The following GOSR1 variants were observed in gnomAD, a reference collection of about 807,000 sequenced individuals.
GOSR1 encodes the protein 28 kDa Golgi SNARE protein.
Under a neutral mutation model 35.5 loss-of-function variants are expected in GOSR1, and 21 were observed. The observed-to-expected ratio is 0.59, with a 90% CI of 0.42 to 0.85. The LOEUF is 0.85. Ranked by LOEUF, GOSR1 falls within the 40% of genes least tolerant of loss-of-function variation. The pLI, the probability that GOSR1 is intolerant of heterozygous loss-of-function variation, is 0.00. For synonymous variants in GOSR1, 94 were observed against 106.6 expected (o/e 0.88, Z 0.73); for missense variants, 285 against 309.6 (o/e 0.92, Z 0.60).
intron 6 of GOSR1, among the ~76,000 whole-genome samples, chr17:30,494,671 G>A (rs1966926396): frequency 6.6e-6 from 1 of 151,570 alleles, no homozygotes; most frequent in Non-Finnish European, 1.5e-5. Context: ...GTCGCGGTGT[G>A]ATCTCAGCTC....
chr17:30,498,519 G>A, intron 6 of GOSR1, among the ~76,000 whole-genome samples: 1 of 152,150 alleles, frequency 6.6e-6, no homozygotes, highest in East Asian at 1.9e-4. Context: ...CTTCTGAAAG[G>A]GCTTTAGAGA....
intron 6 of GOSR1, among the ~76,000 whole-genome samples, chr17:30,497,081 T>C (rs1040841659): frequency 6.6e-6 from 1 of 152,206 alleles, no homozygotes; most frequent in Middle Eastern, 3.2e-3. Context: ...TTTAATCATA[T>C]GTATGATAAG....
intron 6 of GOSR1, among the ~76,000 whole-genome samples, chr17:30,493,201 A>T (rs2143708327): frequency 6.6e-6 from 1 of 152,202 alleles, no homozygotes; most frequent in East Asian, 1.9e-4. Context: ...TTCGCCATGT[A>T]GCCAGGATGG....
rs902975033 is a variant in GOSR1 at position 30,522,314 on chromosome 17, C to T, written c.683C>T (p.Ser228Leu). ...ATCAACCTGAGGAAGCGGCGGGACT[C>T]GCTCATCCTAGGGGGTGTTATTGGG... ...QRINLRKRRD[S>L]LILGGVIGIC... Residue 228 changes from serine (S) to leucine (L), a missense_variant, in exon 9 of 9, where the codon TCG becomes TTG. Transcript: ENST00000451249. 8 of 1,609,114 alleles carry T rather than the reference C, an allele frequency of 5.0e-6. No homozygotes were observed. Among genetic ancestry groups the T allele is most frequent in the African/African-American group, 1.3e-5 (1 of 74,818 alleles).
chr17:30,502,730 T>C (rs1274376170), intron 6 of GOSR1, among the ~76,000 whole-genome samples: 1 of 152,226 alleles, frequency 6.6e-6, no homozygotes, highest in African/African-American at 2.4e-5. Context: ...TCAGTGTTAA[T>C]GGAAGAGAGG....
At chr17:30,477,840 G>C in intron 1 of GOSR1, 2 of 985,288 alleles carry the variant, frequency 2.0e-6, no homozygotes, top group Non-Finnish European at 2.4e-6. Context: ...CCAGAGCCCC[G>C]GAGACTGGAG....
chr17:30,491,649 A>G (rs1597771477), intron 5 of GOSR1, among the ~76,000 whole-genome samples: 1 of 151,660 alleles, frequency 6.6e-6, no homozygotes, highest in African/African-American at 2.4e-5. Flanking sequence ...ACAGAGCAAG[A>G]CTCTGTCTAA....
Position 30,490,056 on chromosome 17 carries a change from AC to A in GOSR1, c.343-69del, listed in dbSNP as rs141192062. The A allele has an allele frequency of 4.3e-3, 3,189 of 748,538 alleles. 70 individuals carry two copies. In the African/African-American group the frequency reaches 0.049, roughly 11 times the overall value. 46.4% of individuals were successfully genotyped at this position (748,538 alleles called of 1,614,324 possible). On this transcript the variant is annotated intron_variant, in intron 4 of 8. Coordinates refer to ENST00000451249, the MANE Select transcript of GOSR1 (RefSeq NM_001007025.2). Reference sequence around the variant, plus strand: ...GACAAATTTACAGTGTGATGACGATACATAACTGGTTCAGTGAGATGAAAAT... The same window carrying A: ...GACAAATTTACAGTGTGATGACGATAATAACTGGTTCAGTGAGATGAAAAT...
chr17:30,478,449 T>C (rs1170143541), intron 1 of GOSR1: 2 of 152,372 alleles, frequency 1.3e-5, no homozygotes, highest in East Asian at 3.9e-4. Flanking sequence ...ATGCTTTTAC[T>C]TATGTTTCCT....
chr17:30,496,670 T>TC (rs1337948599), intron 6 of GOSR1, among the ~76,000 whole-genome samples: 4 of 152,180 alleles, frequency 2.6e-5, no homozygotes, highest in Non-Finnish European at 5.9e-5. Flanking sequence ...AAAAACACTT[T>TC]CTCCTTCCCA....
chr17:30,513,315 T>C (rs1181388024), intron 7 of GOSR1, among the ~76,000 whole-genome samples: 4 of 152,198 alleles, frequency 2.6e-5, no homozygotes, highest in African/African-American at 9.7e-5. Context: ...ACAGAGCAGG[T>C]AACAGGTAAG....
At chr17:30,482,135 A>G (rs1914397124) in intron 2 of GOSR1, among the ~76,000 whole-genome samples, 1 of 151,996 alleles carries the variant, frequency 6.6e-6, no homozygotes, top group South Asian at 2.1e-4. Context: ...CATAATCCAC[A>G]TATATTCTTA....
chr17:30,519,821 GCA>G (rs1967959374), intron 7 of GOSR1, 116 bp from the exon 8 acceptor site: 1 of 657,826 alleles, frequency 1.5e-6, no homozygotes, highest in Non-Finnish European at 2.7e-6. Context: ...TTATTTTCTG[GCA>G]CAGTGCTTTC....
At chr17:30,493,349 T>C (rs1442372676) in intron 6 of GOSR1, among the ~76,000 whole-genome samples, 1 of 152,150 alleles carries the variant, frequency 6.6e-6, no homozygotes, top group Admixed American at 6.5e-5. Flanking sequence ...TGAAACTGAA[T>C]GGAATAAGAG....
At chr17:30,507,865 A>G (rs1201800703) in intron 6 of GOSR1, among the ~76,000 whole-genome samples, 1 of 152,220 alleles carries the variant, frequency 6.6e-6, no homozygotes, top group Non-Finnish European at 1.5e-5. Flanking sequence ...CTTGAGATGG[A>G]TTCTACTGGT....
chr17:30,499,566 C>T (rs948231853), intron 6 of GOSR1, among the ~76,000 whole-genome samples: 10 of 152,198 alleles, frequency 6.6e-5, no homozygotes, highest in Non-Finnish European at 1.3e-4. Flanking sequence ...TGGTCTTGAT[C>T]TCCTGACCTC....
intron 4 of GOSR1, among the ~76,000 whole-genome samples, chr17:30,485,588 C>T (rs1000359804): frequency 6.6e-6 from 1 of 152,322 alleles, no homozygotes; most frequent in South Asian, 2.1e-4. Flanking sequence ...GTTCTCTTAA[C>T]TCCTGTGTAT....
Position 30,503,344 on chromosome 17 carries a change from A to G in GOSR1, c.510-7536A>G, listed in dbSNP as rs117541284. On this transcript the variant is annotated intron_variant, in intron 6 of 8. Transcript: ENST00000451249. ...TGATTCCTCAGCACGATAACTGGTGATGAAATGTAGCTTATTGTTTTCAGC... is the reference window on the plus strand; with the variant it reads ...TGATTCCTCAGCACGATAACTGGTGGTGAAATGTAGCTTATTGTTTTCAGC... 8.5e-5 allele frequency among the ~76,000 whole-genome samples: 13 copies of G among 152,312 alleles called. No individual in the cohort carries two copies. In the East Asian group the frequency reaches 2.5e-3, roughly 29 times the overall value.
chr17:30,520,164 C>G, intron 8 of GOSR1, 143 bp downstream of exon 8: 1 of 570,102 alleles, frequency 1.8e-6, no homozygotes. Context: ...ACTGTGCATT[C>G]CTACTTTGTG....
Sources: gnomAD v4.1 joint callset for allele counts (sites outside exome capture counted in the v4.1 genomes callset) on GRCh38, gnomAD v4.1.1 for gene constraint, MANE v1.5 for transcripts, NCBI Gene and HGNC (gene_info 2026-07-23, HGNC 2026-07-21) for gene names.